Variants in CPEB2 observed in about 807,000 individuals in gnomAD.
CPEB2 encodes cytoplasmic polyadenylation element-binding protein 2.
In CPEB2, 56 loss-of-function variants were observed where a neutral mutation model predicts 93.6. The observed-to-expected ratio is 0.60, with a 90% CI of 0.48 to 0.75. The LOEUF is 0.75. Among genes scored for constraint, CPEB2 ranks in the 30% least tolerant of loss-of-function variants. The pLI is 0.00. For missense variants in CPEB2, 1,579 were observed against 1,395.1 expected, an observed-to-expected ratio of 1.13 and a Z score of -2.10; for synonymous variants, 764 against 586.3, an observed-to-expected ratio of 1.30 and a Z score of -4.38.
chr4:15,062,037 G>A (rs1729236767), intron 10 of CPEB2, 42 bp from the exon 11 acceptor site: 4 of 1,506,670 alleles, frequency 2.7e-6, no homozygotes, highest in Non-Finnish European at 3.6e-6. Flanking sequence ...GTTGATTACT[G>A]TGTTCTCTCA....
At chr4:15,005,078 A>C (rs1353439494) in intron 1 of CPEB2, 2 of 152,148 alleles carry the variant, frequency 1.3e-5, no homozygotes, top group South Asian at 2.1e-4. Flanking sequence ...CCGGCCCAGG[A>C]GGGAGTCGGG....
At chr4:15,014,213 G>A (rs1342427970) in intron 3 of CPEB2, among the ~76,000 whole-genome samples, 3 of 152,012 alleles carry the variant, frequency 2.0e-5, no homozygotes, top group African/African-American at 7.2e-5. Context: ...ATTAATTAAG[G>A]TCATCGGTTG....
chr4:15,045,365 A>C (rs1727560799), intron 6 of CPEB2, among the ~76,000 whole-genome samples: 1 of 152,158 alleles, frequency 6.6e-6, no homozygotes, highest in African/African-American at 2.4e-5. Context: ...TCTGTCATAA[A>C]TACCTGTACA....
intron 4 of CPEB2, among the ~76,000 whole-genome samples, chr4:15,019,118 GTC>G (rs1724532424): frequency 6.6e-6 from 1 of 150,970 alleles, no homozygotes; most frequent in African/African-American, 2.4e-5. Context: ...ATGGTGACAA[GTC>G]TTCATATTTA....
At chr4:15,036,126 T>C (rs73797785) in intron 5 of CPEB2, among the ~76,000 whole-genome samples, 3,192 of 152,274 alleles carry the variant, frequency 0.021, 100 homozygotes, top group African/African-American at 0.074. Context: ...GAAGTGTCTC[T>C]GGCAAATCCT....
chr4:15,050,073 T>C (rs1170206756), intron 6 of CPEB2, among the ~76,000 whole-genome samples: 1 of 152,180 alleles, frequency 6.6e-6, no homozygotes, highest in East Asian at 1.9e-4. Context: ...GTTTGTTTAA[T>C]ATATAGACAG....
intron 3 of CPEB2, among the ~76,000 whole-genome samples, chr4:15,015,560 A>G (rs1258998708): frequency 6.6e-6 from 1 of 152,112 alleles, no homozygotes; most frequent in Non-Finnish European, 1.5e-5. Flanking sequence ...ACATCAAAGT[A>G]AAGTAAATAA....
intron 4 of CPEB2, among the ~76,000 whole-genome samples, chr4:15,025,775 G>A (rs897075269): frequency 2.0e-5 from 3 of 146,426 alleles, no homozygotes; most frequent in East Asian, 4.1e-4. Flanking sequence ...TACAGTAAAT[G>A]GAGTGTTACT....
intron 1 of CPEB2, among the ~76,000 whole-genome samples, chr4:15,006,280 C>G (rs1722806529): frequency 6.6e-6 from 1 of 152,004 alleles, no homozygotes; most frequent in Non-Finnish European, 1.5e-5. Context: ...AATTGTCTTA[C>G]AAAAAGCAGG....
At chr4:15,051,370 A>G (rs1265874747) in intron 6 of CPEB2, among the ~76,000 whole-genome samples, 2 of 152,320 alleles carry the variant, frequency 1.3e-5, no homozygotes, top group East Asian at 3.9e-4. Flanking sequence ...TGTTTCCAAC[A>G]TATTTCAGCC....
At chr4:15,046,338 G>T (rs560864597) in intron 6 of CPEB2, among the ~76,000 whole-genome samples, 1 of 152,146 alleles carries the variant, frequency 6.6e-6, no homozygotes, top group East Asian at 1.9e-4. Context: ...CGATTCTTCT[G>T]CCTCAGCCTT....
At chr4:15,023,682 G>T (rs1171632766) in intron 4 of CPEB2, among the ~76,000 whole-genome samples, 3 of 151,592 alleles carry the variant, frequency 2.0e-5, no homozygotes, top group East Asian at 3.9e-4. Context: ...TGAAAAAATA[G>T]AAGTCTCCTT....
In CPEB2 at chr4:15,003,300, C is replaced by CCTG; in HGVS notation, c.628_629insTGC (p.Ser209_Pro210insLeu). 1 of 1,438,166 alleles carries CCTG rather than the reference C, an allele frequency of 7.0e-7. No homozygotes were observed. The highest frequency in any genetic ancestry group is 1.5e-5 in the South Asian group (1 of 68,012). The allele number at this position is 1,438,166 out of a possible 1,614,324, so 89.1% of individuals were successfully genotyped here. A position where few individuals can be genotyped will look rare whatever the true frequency, so the allele number is the denominator to read the frequency against. ...CGCTCCACTGCCCCGGTCGGTTCAG[C>CCTG]CCGCCGCCGCCGCCAGCCGGCCCGC... On this transcript the variant is annotated inframe_insertion, in exon 1 of 12. Transcript: ENST00000538197.
chr4:15,015,792 A>C (rs190709208), intron 3 of CPEB2, among the ~76,000 whole-genome samples: 1 of 152,012 alleles, frequency 6.6e-6, no homozygotes, highest in Non-Finnish European at 1.5e-5. Context: ...TAGTGCCTTC[A>C]TATGCTGTTT....
At chr4:15,024,037 T>A (rs1211290879) in intron 4 of CPEB2, among the ~76,000 whole-genome samples, 1 of 152,142 alleles carries the variant, frequency 6.6e-6, no homozygotes, top group Non-Finnish European at 1.5e-5. Flanking sequence ...ATCATTATCT[T>A]TTTTAGTTTA....
Position 15,008,486 on chromosome 4 carries a change from T to C in CPEB2, c.2034+59T>C. 3 of 1,104,346 alleles carry C rather than the reference T, an allele frequency of 2.7e-6. No individual in the cohort carries two copies. The South Asian group carries it at 4.3e-5, about 16-fold the overall frequency. The allele number at this position is 1,104,346 out of a possible 1,614,324, so 68.4% of individuals were successfully genotyped here. ...GGTTAGGAGTTTAGTATTTATATTA[T>C]GAGTAGGATTTATTATTTACTTTCT... is the stretch of plus-strand genomic sequence containing the variant. On this transcript the variant is annotated intron_variant, in intron 3 of 11. Transcript: ENST00000538197.
chr4:15,061,294 AG>A (rs1729167429), intron 10 of CPEB2, among the ~76,000 whole-genome samples: 1 of 152,128 alleles, frequency 6.6e-6, no homozygotes, highest in South Asian at 2.1e-4. Context: ...ATTGAAAGTT[AG>A]GGTACTCTGA....
intron 3 of CPEB2, among the ~76,000 whole-genome samples, chr4:15,011,424 G>A (rs1337408418): frequency 6.6e-6 from 1 of 152,100 alleles, no homozygotes. Flanking sequence ...AATTTGCTTA[G>A]GGTTATTAAT....
chr4:15,004,324 AACC>A lies in CPEB2; in HGVS notation c.1659_1661del (p.His553del). 6.8e-7 allele frequency: 1 copy of A among 1,474,274 alleles called. No individual in the cohort carries two copies. The allele number at this position is 1,474,274 out of a possible 1,614,324, so 91.3% of individuals were successfully genotyped here. The stretch of plus-strand genomic sequence containing the variant: ...CTTCCTGCAGCAGAGGAACTCCTAT[AACC>A]ACCACCAGGTACGGCGGGCGGCGGC... On this transcript the variant is annotated inframe_deletion, in exon 1 of 12. Transcript: ENST00000538197.
Sources: allele counts gnomAD v4.1 joint callset (sites outside exome capture counted in the v4.1 genomes callset), GRCh38; gene constraint gnomAD v4.1.1; transcripts MANE v1.5; gene names NCBI Gene and HGNC (gene_info 2026-07-23, HGNC 2026-07-21).